The following CFAP54 variants were observed in gnomAD, a reference collection of about 807,000 sequenced individuals.
The protein encoded by CFAP54 is cilia and flagella associated protein 54, also known as cilia- and flagella-associated protein 54.
CFAP54 carries 290 observed loss-of-function variants against 370.4 expected under a neutral mutation model. That is an observed-to-expected ratio of 0.78 (90% confidence interval 0.71 to 0.86). The LOEUF is 0.86. Among genes scored for constraint, CFAP54 ranks in the 40% least tolerant of loss-of-function variants. CFAP54 has a pLI of 0.00. For missense variants in CFAP54, 3,399 were observed against 3,528.7 expected, an observed-to-expected ratio of 0.96 and a Z score of 0.93; for synonymous variants, 1,206 against 1,236.5, an observed-to-expected ratio of 0.98 and a Z score of 0.52.
At chr12:96,762,015 C>CA (rs754610650) in intron 58 of CFAP54, among the ~76,000 whole-genome samples, 5 of 151,612 alleles carry the variant, frequency 3.3e-5, no homozygotes, top group East Asian at 3.9e-4. Context: ...TCAATTTCTG[C>CA]AAAAAAAACT....
chr12:96,680,846 G>A (rs941070682), intron 40 of CFAP54, among the ~76,000 whole-genome samples: 2 of 152,150 alleles, frequency 1.3e-5, no homozygotes, highest in Non-Finnish European at 2.9e-5. Flanking sequence ...CACTTTGGGA[G>A]GCCAAGGAGG....
intron 65 of CFAP54, among the ~76,000 whole-genome samples, chr12:96,821,907 T>C (rs1406464261): frequency 6.6e-6 from 1 of 152,092 alleles, no homozygotes; most frequent in African/African-American, 2.4e-5. Flanking sequence ...ACAGTATAGA[T>C]TGTTGGTGGG....
At chr12:96,820,442 C>T (rs901970659) in intron 65 of CFAP54, among the ~76,000 whole-genome samples, 2 of 152,124 alleles carry the variant, frequency 1.3e-5, no homozygotes, top group African/African-American at 4.8e-5. Flanking sequence ...TGAATGAATG[C>T]ATTTTTCATT....
chr12:96,579,100 T>C (rs1164553939), intron 20 of CFAP54, among the ~76,000 whole-genome samples: 2 of 152,204 alleles, frequency 1.3e-5, no homozygotes, highest in African/African-American at 4.8e-5. Context: ...ATAGTCTTTC[T>C]GCCTTTTTTC....
intron 62 of CFAP54, among the ~76,000 whole-genome samples, chr12:96,789,782 C>T (rs997355825): frequency 1.3e-5 from 2 of 152,124 alleles, no homozygotes; most frequent in Non-Finnish European, 2.9e-5. Context: ...TAACACTCCC[C>T]AGGAAAATCA....
In CFAP54 at chr12:96,691,073, C is replaced by T; in HGVS notation, c.6082-55C>T. ...ATACATGTATTTATCTTTTTTGTTT[C>T]ATTATTGAAAATGCTATCTATAGCT... On this transcript the variant is annotated intron_variant, in intron 43 of 67. Transcript: ENST00000524981. 6.7e-6 allele frequency: 10 copies of T among 1,488,684 alleles called. No individual in the cohort carries two copies. The Admixed American group carries it at 9.6e-5, about 14-fold the overall frequency. The allele number at this position is 1,488,684 out of a possible 1,614,324, so 92.2% of individuals were successfully genotyped here. A position where few individuals can be genotyped will look rare whatever the true frequency, so the allele number is the denominator to read the frequency against.
chr12:96,839,038 G>A (rs1412291073), intron 66 of CFAP54, among the ~76,000 whole-genome samples: 1 of 152,144 alleles, frequency 6.6e-6, no homozygotes, highest in Non-Finnish European at 1.5e-5. Context: ...AAATGGAGGG[G>A]CTAGATTAAT....
intron 56 of CFAP54, among the ~76,000 whole-genome samples, chr12:96,754,793 G>C (rs1592743794): frequency 6.7e-6 from 1 of 148,884 alleles, no homozygotes; most frequent in African/African-American, 2.5e-5. Context: ...GCCCAGGCTG[G>C]AGTGCAGTGG....
rs10553724 is a variant in CFAP54, at chr12:96,823,122, C to CTG, written c.9096+5223_9096+5224dup. 9.8e-5 allele frequency among the ~76,000 whole-genome samples: 14 copies of CTG among 142,198 alleles called. No individual in the cohort carries two copies. In the South Asian group the frequency reaches 1.3e-3, roughly 14 times the overall value. 93.3% of individuals were successfully genotyped at this position (142,198 alleles called of 152,430 possible). A position where few individuals can be genotyped will look rare whatever the true frequency, so the allele number is the denominator to read the frequency against. ...ATTTACATAGATCGTGTGTGTTTGT[C>CTG]TGTGTGTGTGTGTGTCTGTGTGTGT... On this transcript the variant is annotated intron_variant, in intron 65 of 67. Transcript: ENST00000524981.
At chr12:96,693,382 C>A (rs889849992) in intron 44 of CFAP54, among the ~76,000 whole-genome samples, 1 of 152,140 alleles carries the variant, frequency 6.6e-6, no homozygotes, top group Non-Finnish European at 1.5e-5. Context: ...CCACAGGCCA[C>A]AGTGATTCAT....
chr12:96,509,558 G>A (rs1051398459), intron 4 of CFAP54, among the ~76,000 whole-genome samples: 3 of 152,114 alleles, frequency 2.0e-5, no homozygotes, highest in African/African-American at 7.2e-5. Flanking sequence ...GCTCACACCT[G>A]TAATCCTAGC....
chr12:96,683,051 A>G (rs907811387), intron 40 of CFAP54, among the ~76,000 whole-genome samples: 3 of 152,206 alleles, frequency 2.0e-5, no homozygotes, highest in East Asian at 3.9e-4. Flanking sequence ...CTTTTTTCCT[A>G]ACAGACATTT....
chr12:96,605,259 G>A (rs1956288466), intron 26 of CFAP54, among the ~76,000 whole-genome samples: 1 of 152,180 alleles, frequency 6.6e-6, no homozygotes, highest in Non-Finnish European at 1.5e-5. Flanking sequence ...GAACCTGCAG[G>A]CAGACTTTAA....
chr12:96,721,020 A>C (rs1957746039), intron 50 of CFAP54, among the ~76,000 whole-genome samples: 1 of 138,816 alleles, frequency 7.2e-6, no homozygotes, highest in Non-Finnish European at 1.6e-5. Context: ...ACTCTGTCTC[A>C]AAAAAAAAAA....
Position 96,745,523 on chromosome 12 carries a change from G to GTT in CFAP54, c.7684+1385_7684+1386dup, listed in dbSNP as rs35467777. Among the ~76,000 whole-genome samples, 44 of 150,732 alleles carry GTT rather than the reference G, an allele frequency of 2.9e-4. No homozygotes were observed. The East Asian group carries it at 4.9e-3, about 17-fold the overall frequency. ...TTATGTCCTTTGCCCATTTTTTAAT[G>GTT]TTTTTTTTTCTTGTAAATTTGTTTG... On this transcript the variant is annotated intron_variant, in intron 55 of 67. Transcript: ENST00000524981.
rs1029820808 is a variant in CFAP54 at position 96,556,983 on chromosome 12, C to T, written c.2410+2181C>T. 2.6e-5 allele frequency among the ~76,000 whole-genome samples: 4 copies of T among 152,142 alleles called. No individual in the cohort carries two copies. The East Asian group carries it at 7.7e-4, about 29-fold the overall frequency. On this transcript the variant is annotated intron_variant, in intron 17 of 67. Transcript: ENST00000524981. ...CTTCATACCTGGGTAACAAAATAAT[C>T]TGTATAACAAACTCCCATGACATGA...
intron 63 of CFAP54, among the ~76,000 whole-genome samples, chr12:96,795,145 A>G (rs1958747364): frequency 6.6e-6 from 1 of 152,194 alleles, no homozygotes; most frequent in Non-Finnish European, 1.5e-5. Flanking sequence ...TGGAGGTAGT[A>G]GGGGAGTGAA....
chr12:96,492,994 C>CAAA (rs11362891), intron 1 of CFAP54, among the ~76,000 whole-genome samples: 15 of 113,634 alleles, frequency 1.3e-4, no homozygotes, highest in African/African-American at 4.7e-4. Context: ...GACTCTGTCT[C>CAAA]AAAAAAAAAA....
intron 50 of CFAP54, among the ~76,000 whole-genome samples, chr12:96,729,088 C>T (rs897468758): frequency 5.3e-5 from 8 of 152,168 alleles, no homozygotes; most frequent in African/African-American, 1.9e-4. Flanking sequence ...TCTGCCCCTA[C>T]TGGGGGGTGC....
Sources: gnomAD v4.1 joint callset for allele counts (sites outside exome capture counted in the v4.1 genomes callset) on GRCh38, gnomAD v4.1.1 for gene constraint, MANE v1.5 for transcripts, NCBI Gene and HGNC (gene_info 2026-07-23, HGNC 2026-07-21) for gene names.